Variants in EPHA4 observed in about 807,000 individuals in gnomAD.
EPHA4 encodes the protein EPH receptor A4.
Under a neutral mutation model 108.3 loss-of-function variants are expected in EPHA4, and 19 were observed. The observed-to-expected ratio is 0.18, with a 90% CI of 0.12 to 0.26. EPHA4 has a LOEUF of 0.26. Ranked by LOEUF, EPHA4 falls within the 10% of genes least tolerant of loss-of-function variation. EPHA4 has a pLI of 1.00. For synonymous variants in EPHA4, 449 were observed against 455.5 expected (o/e 0.99, Z 0.18); for missense variants, 917 against 1,254.0 (o/e 0.73, Z 4.06).
intron 3 of EPHA4, among the ~76,000 whole-genome samples, chr2:221,531,272 T>C (rs1693504598): frequency 6.6e-6 from 1 of 152,184 alleles, no homozygotes; most frequent in East Asian, 1.9e-4. Context: ...TATAGATTAA[T>C]AGATTAACCA....
At chr2:221,440,417 T>C (rs1690382945) in intron 11 of EPHA4, among the ~76,000 whole-genome samples, 1 of 152,284 alleles carries the variant, frequency 6.6e-6, no homozygotes, top group South Asian at 2.1e-4. Flanking sequence ...AAAACGGACC[T>C]GCAAAAGTAT....
intron 9 of EPHA4, among the ~76,000 whole-genome samples, chr2:221,444,567 C>CT (rs1216875666): frequency 2.0e-5 from 3 of 151,726 alleles, no homozygotes; most frequent in African/African-American, 7.3e-5. Flanking sequence ...AATAGATCAG[C>CT]TTTTTAAAAA....
intron 3 of EPHA4, among the ~76,000 whole-genome samples, chr2:221,510,679 G>A (rs1268039187): frequency 1.3e-5 from 2 of 152,188 alleles, no homozygotes; most frequent in African/African-American, 4.8e-5. Context: ...CATAAAGCCT[G>A]CTAAATCTAA....
rs1271862337 is a variant in EPHA4 at position 221,425,856 on chromosome 2, G to A, written c.*172C>T. ...AAATGACCGGCAGTCATTTCTGTAA[G>A]CCCCACAGTTTCAGCAATCTGTGCA... On this transcript the variant is annotated 3_prime_UTR_variant, in exon 17 of 18. Coordinates refer to ENST00000281821, the MANE Select transcript of EPHA4 (RefSeq NM_004438.5). 3 of 615,918 alleles carry A rather than the reference G, an allele frequency of 4.9e-6. No individual in the cohort carries two copies. The highest frequency in any genetic ancestry group is 5.7e-6 in the Non-Finnish European group (2 of 350,524). 38.2% of individuals were successfully genotyped at this position (615,918 alleles called of 1,614,324 possible). A position where few individuals can be genotyped will look rare whatever the true frequency, so the allele number is the denominator to read the frequency against.
chr2:221,469,284 T>C (rs1037949122), intron 5 of EPHA4, among the ~76,000 whole-genome samples: 1 of 152,172 alleles, frequency 6.6e-6, no homozygotes, highest in South Asian at 2.1e-4. Flanking sequence ...CATTTACAGC[T>C]TTTGTTATAA....
intron 4 of EPHA4, among the ~76,000 whole-genome samples, chr2:221,496,949 T>G (rs1692317182): frequency 6.6e-6 from 1 of 152,046 alleles, no homozygotes; most frequent in African/African-American, 2.4e-5. Flanking sequence ...GGTCTGAACC[T>G]TAACTGTACA....
chr2:221,442,334 G>C (rs1292599984), intron 11 of EPHA4, among the ~76,000 whole-genome samples: 2 of 152,194 alleles, frequency 1.3e-5, no homozygotes, highest in Non-Finnish European at 2.9e-5. Flanking sequence ...TCAACCAGGT[G>C]TTACTGTAAA....
At chr2:221,441,752 A>G (rs990543700) in intron 11 of EPHA4, among the ~76,000 whole-genome samples, 5 of 152,110 alleles carry the variant, frequency 3.3e-5, no homozygotes, top group African/African-American at 1.2e-4. Flanking sequence ...CCCTCCTACA[A>G]GAAGTTTGAG....
upstream of EPHA4, chr2:221,572,449 G>A (rs867693098): frequency 2.6e-6 from 1 of 388,240 alleles, no homozygotes; most frequent in Non-Finnish European, 4.5e-6. Flanking sequence ...CCCGCCCCAG[G>A]GTTCCGCCCC....
chr2:221,446,989 T>C (rs1358724252), intron 8 of EPHA4, among the ~76,000 whole-genome samples: 1 of 152,210 alleles, frequency 6.6e-6, no homozygotes, highest in Non-Finnish European at 1.5e-5. Flanking sequence ...AAATCTTCAG[T>C]ACACATAAAT....
At position 221,443,008 on chromosome 2, in the gene EPHA4, A is replaced by T; in HGVS notation, c.1895T>A (p.Phe632Tyr). The stretch of plus-strand genomic sequence containing the variant: ...GAGACGCCCACTGCATACCTCACCA[A>T]ATTCACCTTTGAGAGAGAAAAAGAA... ...KIEKVIGVGEFGEVCSGRLKV... is the reference protein window; with the variant it reads ...KIEKVIGVGEYGEVCSGRLKV... Residue 632 changes from phenylalanine to tyrosine, a missense_variant, in exon 11 of 18, where the codon TTT becomes TAT. By Grantham distance (22) the Phe-to-Tyr change is conservative (BLOSUM62 3). Coordinates refer to ENST00000281821, the MANE Select transcript of EPHA4 (RefSeq NM_004438.5). The T allele has an allele frequency of 6.2e-7, 1 of 1,613,310 alleles. No individual in the cohort carries two copies. The highest frequency in any genetic ancestry group is 8.5e-7 in the Non-Finnish European group (1 of 1,179,704).
chr2:221,506,934 G>A (rs1436166476), intron 3 of EPHA4, among the ~76,000 whole-genome samples: 1 of 152,034 alleles, frequency 6.6e-6, no homozygotes, highest in African/African-American at 2.4e-5. Context: ...TGAGGGGAAT[G>A]GAATTCTTTG....
chr2:221,572,321 G>C (rs1694870372), upstream of EPHA4: 3 of 1,393,994 alleles, frequency 2.2e-6, no homozygotes, highest in Non-Finnish European at 3.0e-6. Context: ...GGAGAGCAGC[G>C]GGCTGAAGAC....
At chr2:221,469,829 G>A (rs981745741) in intron 5 of EPHA4, among the ~76,000 whole-genome samples, 1 of 152,126 alleles carries the variant, frequency 6.6e-6, no homozygotes, top group Admixed American at 6.6e-5. Flanking sequence ...AATCCCATTA[G>A]TCATCTTCCA....
At chr2:221,507,559 A>ATT (rs552303399) in intron 3 of EPHA4, among the ~76,000 whole-genome samples, 2 of 148,498 alleles carry the variant, frequency 1.3e-5, no homozygotes, top group Non-Finnish European at 3.0e-5. Flanking sequence ...AATGATACTG[A>ATT]TTTTTTTTTT....
chr2:221,471,667 C>G (rs1225590934), intron 5 of EPHA4, among the ~76,000 whole-genome samples: 1 of 152,110 alleles, frequency 6.6e-6, no homozygotes, highest in Non-Finnish European at 1.5e-5. Context: ...AACAATACAT[C>G]TTTACATAAT....
intron 11 of EPHA4, among the ~76,000 whole-genome samples, chr2:221,440,078 G>A (rs1559240954): frequency 6.6e-6 from 1 of 152,112 alleles, no homozygotes; most frequent in Non-Finnish European, 1.5e-5. Flanking sequence ...TAAGCAAAGG[G>A]GCTTATAAAA....
intron 3 of EPHA4, among the ~76,000 whole-genome samples, chr2:221,511,780 C>A (rs957263989): frequency 2.6e-5 from 4 of 152,182 alleles, no homozygotes; most frequent in Non-Finnish European, 4.4e-5. Flanking sequence ...AGTACAGCAA[C>A]CTATAATCAC....
intron 3 of EPHA4, among the ~76,000 whole-genome samples, chr2:221,554,951 A>G (rs1694262990): frequency 6.6e-6 from 1 of 152,122 alleles, no homozygotes; most frequent in Non-Finnish European, 1.5e-5. Flanking sequence ...CTTTGTTGGG[A>G]CACATCTGAA....
Sources: gnomAD v4.1 joint callset for allele counts (sites outside exome capture counted in the v4.1 genomes callset) on GRCh38, gnomAD v4.1.1 for gene constraint, MANE v1.5 for transcripts, NCBI Gene and HGNC (gene_info 2026-07-23, HGNC 2026-07-21) for gene names.